AP1S3: variants seen among roughly 807,000 people sequenced by gnomAD.
AP1S3 encodes the protein AP-1 complex subunit sigma-3.
In AP1S3, 10 loss-of-function variants were observed where a neutral mutation model predicts 20.9. That is an observed-to-expected ratio of 0.48 (90% CI 0.29 to 0.81). The LOEUF is 0.81. Among genes scored for constraint, AP1S3 ranks in the 30% least tolerant of loss-of-function variants. AP1S3 has a pLI of 0.08. For missense variants in AP1S3, 154 were observed against 183.8 expected (o/e 0.84, Z 0.94); for synonymous variants, 41 against 61.5 (o/e 0.67, Z 1.56).
At chr2:223,782,405 T>C (rs1254680554) in intron 1 of AP1S3, among the ~76,000 whole-genome samples, 4 of 152,208 alleles carry the variant, frequency 2.6e-5, no homozygotes, top group African/African-American at 9.6e-5. Context: ...GATCTCATAA[T>C]CATCATTGTT....
chr2:223,767,500 C>T (rs181738825), intron 3 of AP1S3, among the ~76,000 whole-genome samples: 1 of 151,906 alleles, frequency 6.6e-6, no homozygotes, highest in Admixed American at 6.6e-5. Flanking sequence ...TCTAGCCATC[C>T]ATCTTCTGCT....
At chr2:223,823,866 A>G (rs558480906) in intron 1 of AP1S3, among the ~76,000 whole-genome samples, 22 of 152,342 alleles carry the variant, frequency 1.4e-4, no homozygotes, top group African/African-American at 5.3e-4. Context: ...AAATTTATAC[A>G]ATTTTTATGT....
At chr2:223,767,698 C>G (rs896888888) in intron 3 of AP1S3, among the ~76,000 whole-genome samples, 8 of 151,980 alleles carry the variant, frequency 5.3e-5, no homozygotes, top group African/African-American at 1.9e-4. Flanking sequence ...TCTTTACCTA[C>G]CTATTCCTCA....
At chr2:223,795,257 A>T (rs1243091753) in intron 1 of AP1S3, among the ~76,000 whole-genome samples, 3 of 152,080 alleles carry the variant, frequency 2.0e-5, no homozygotes, top group Non-Finnish European at 4.4e-5. Flanking sequence ...CTCAAAAATT[A>T]AAAAAAAATT....
chr2:223,756,211 C>T lies in AP1S3; in HGVS notation c.*2504G>A, dbSNP rs1305811560. 1 of 235,148 alleles carries T rather than the reference C, an allele frequency of 4.3e-6. No homozygotes were observed. The highest frequency in any genetic ancestry group is 6.5e-5 in the Admixed American group (1 of 15,340). 14.6% of individuals were successfully genotyped at this position (235,148 alleles called of 1,614,324 possible). ...AATTAGCCAGGCGTGGTGGCGCATG[C>T]CTATAATCCCAGCTACTCGGGAGGC... On this transcript the variant is annotated 3_prime_UTR_variant, in exon 5 of 5. Coordinates refer to ENST00000396654, the MANE Select transcript of AP1S3 (RefSeq NM_001039569.2).
Position 223,765,258 on chromosome 2 carries a change from CTTGGATGTT to C in AP1S3, c.375_383del (p.Thr126_Lys128del), listed in dbSNP as rs769638454. ...CTTCAATGGCTTTGACAGCAATTTT[CTTGGATGTT>C]TCCTGAATTTCCCCACCTATTATAA... On this transcript the variant is annotated inframe_deletion, in exon 4 of 5. Transcript: ENST00000396654. 6.2e-7 allele frequency: 1 copy of C among 1,614,058 alleles called. No homozygotes were observed.
intron 1 of AP1S3, among the ~76,000 whole-genome samples, chr2:223,822,146 T>C (rs1333995722): frequency 6.6e-6 from 1 of 152,020 alleles, no homozygotes; most frequent in African/African-American, 2.4e-5. Context: ...TCCCAGCACT[T>C]TGGGAGGCTG....
intron 1 of AP1S3, among the ~76,000 whole-genome samples, chr2:223,807,607 A>T (rs1009984994): frequency 3.3e-5 from 5 of 152,166 alleles, no homozygotes; most frequent in Non-Finnish European, 5.9e-5. Flanking sequence ...AGTTAGCATC[A>T]TCCTTCTGGT....
intron 1 of AP1S3, among the ~76,000 whole-genome samples, chr2:223,785,532 A>G (rs921174455): frequency 6.6e-6 from 1 of 152,218 alleles, no homozygotes; most frequent in Non-Finnish European, 1.5e-5. Context: ...ATTCATATGT[A>G]TGATTCTATA....
At chr2:223,776,339 G>A (rs1366942463) in intron 2 of AP1S3, among the ~76,000 whole-genome samples, 1 of 152,118 alleles carries the variant, frequency 6.6e-6, no homozygotes, top group Non-Finnish European at 1.5e-5. Flanking sequence ...ATTGTTTTTT[G>A]TAAAATAGAA....
rs1206950979 is a variant in AP1S3 at position 223,832,711 on chromosome 2, G to A, written c.3+4737C>T. ...AATTGATACAGAAGGGGAAGGGGGC[G>A]TGGCAGGACCTACAGGTTCATAGTT... On this transcript the variant is annotated intron_variant, in intron 1 of 4. Coordinates refer to ENST00000396654, the MANE Select transcript of AP1S3 (RefSeq NM_001039569.2). Among the ~76,000 whole-genome samples, 7 of 152,008 alleles carry A rather than the reference G, an allele frequency of 4.6e-5. No individual in the cohort carries two copies. In the South Asian group the frequency reaches 1.2e-3, roughly 27 times the overall value.
chr2:223,761,295 T>C (rs1018687691), intron 4 of AP1S3, among the ~76,000 whole-genome samples: 2 of 152,186 alleles, frequency 1.3e-5, no homozygotes, highest in African/African-American at 4.8e-5. Flanking sequence ...TCCTACTGCA[T>C]TGTGGTTTGG....
chr2:223,777,519 C>T (rs986425195), intron 2 of AP1S3, among the ~76,000 whole-genome samples, 172 bp downstream of exon 2: 1 of 152,222 alleles, frequency 6.6e-6, no homozygotes, highest in Non-Finnish European at 1.5e-5. Context: ...CCTAGAATTT[C>T]TTTCAATAAA....
In AP1S3 at chr2:223,828,852, T is replaced by C. The variant is rs148200133; in HGVS notation, c.3+8596A>G. On this transcript the variant is annotated intron_variant, in intron 1 of 4. Coordinates refer to ENST00000396654, the MANE Select transcript of AP1S3 (RefSeq NM_001039569.2). ...GGGATCCTACATTTTATTTTTATTT[T>C]ATTTTTTTGAGACTGAGTCTCACTC... 6.6e-5 allele frequency among the ~76,000 whole-genome samples: 10 copies of C among 152,246 alleles called. No homozygotes were observed. The East Asian group carries it at 1.6e-3, about 24-fold the overall frequency.
At chr2:223,801,572 G>A (rs754091799) in intron 1 of AP1S3, among the ~76,000 whole-genome samples, 14 of 152,128 alleles carry the variant, frequency 9.2e-5, no homozygotes, top group Non-Finnish European at 1.6e-4. Context: ...AGCCTCCCGT[G>A]TAGCTGGGAT....
chr2:223,782,011 CTTTT>C (rs35909928), intron 1 of AP1S3, among the ~76,000 whole-genome samples: 3 of 128,410 alleles, frequency 2.3e-5, no homozygotes, highest in Non-Finnish European at 3.4e-5. Flanking sequence ...GGCTTTAAGT[CTTTT>C]TTTTTTTTTT....
intron 1 of AP1S3, among the ~76,000 whole-genome samples, chr2:223,811,370 C>T (rs1379473171): frequency 6.6e-6 from 1 of 152,010 alleles, no homozygotes; most frequent in Non-Finnish European, 1.5e-5. Context: ...GAGTTCAAGA[C>T]CAGCCTGGCC....
chr2:223,830,768 T>C (rs1230628701), intron 1 of AP1S3, among the ~76,000 whole-genome samples: 1 of 152,166 alleles, frequency 6.6e-6, no homozygotes, highest in Non-Finnish European at 1.5e-5. Context: ...TCTTGTGCAC[T>C]TATTCTTAAC....
At chr2:223,794,186 A>G (rs937908937) in intron 1 of AP1S3, among the ~76,000 whole-genome samples, 1 of 152,038 alleles carries the variant, frequency 6.6e-6, no homozygotes, top group Admixed American at 6.6e-5. Context: ...TGGAACTGTT[A>G]AATTTTGAGA....
Sources: gnomAD v4.1 joint callset for allele counts (sites outside exome capture counted in the v4.1 genomes callset) on GRCh38, gnomAD v4.1.1 for gene constraint, MANE v1.5 for transcripts, NCBI Gene and HGNC (gene_info 2026-07-23, HGNC 2026-07-21) for gene names.